UBXN4: variants seen among roughly 807,000 people sequenced by gnomAD.
UBXN4 encodes the protein UBX domain-containing protein 4.
A neutral mutation model predicts 66.2 loss-of-function variants in UBXN4; 35 were observed. The ratio of observed to expected loss-of-function variants is 0.53; its 90% CI spans 0.40 to 0.70. UBXN4 has a LOEUF of 0.70. UBXN4 is among the 30% of genes least tolerant of loss of function. UBXN4 has a pLI of 0.00. For missense variants in UBXN4, 533 were observed against 599.8 expected, an observed-to-expected ratio of 0.89 and a Z score of 1.16; for synonymous variants, 203 against 204.5, an observed-to-expected ratio of 0.99 and a Z score of 0.06.
chr2:135,753,592 T>G, intron 3 of UBXN4, 25 bp downstream of exon 3: 1 of 1,504,862 alleles, frequency 6.6e-7, no homozygotes, highest in Non-Finnish European at 8.8e-7. Context: ...AAGAATGGCT[T>G]ATATATATAC....
intron 1 of UBXN4, among the ~76,000 whole-genome samples, chr2:135,743,506 C>T (rs569160650): frequency 1.3e-5 from 2 of 152,278 alleles, no homozygotes; most frequent in South Asian, 4.1e-4. Context: ...AGATGAGGCA[C>T]TTAGGTCAGC....
rs886965691 is a variant in UBXN4, at chr2:135,755,625, C to A, written c.442C>A (p.Gln148Lys). ...ACCTAACAACACTTGTGAAAACTCT[C>A]AGTCCAGAAATGCAGAGCTTTGTGA... ...FEPNNTCENS[Q>K]SRNAELCEIP... is the part of the protein sequence containing the mutation. Residue 148 changes from glutamine to lysine, a missense_variant, in exon 5 of 13, where the codon CAG becomes AAG. By Grantham distance (53) the Gln-to-Lys change is moderately conservative. Transcript: ENST00000272638. 1.6e-5 allele frequency: 26 copies of A among 1,608,956 alleles called. No individual in the cohort carries two copies. The highest frequency in any genetic ancestry group is 2.1e-5 in the Non-Finnish European group (25 of 1,177,562).
chr2:135,757,356 A>G (rs1445681759), intron 5 of UBXN4, among the ~76,000 whole-genome samples: 2 of 152,118 alleles, frequency 1.3e-5, no homozygotes, highest in Non-Finnish European at 2.9e-5. Context: ...TTTCTCTCTT[A>G]TTATAACTTT....
At position 135,751,213 on chromosome 2, in the gene UBXN4, G is replaced by A. The variant is rs1036512560; in HGVS notation, c.186-2326G>A. 2.7e-5 allele frequency among the ~76,000 whole-genome samples: 4 copies of A among 149,076 alleles called. No individual in the cohort carries two copies. The Admixed American group carries it at 2.7e-4, about 10-fold the overall frequency. ...TATTTTTTATTTTTTTTGAGACGGAGTCTCGCTCTGTAGCCCAGGCTGGAG... is the reference window on the plus strand; with the variant it reads ...TATTTTTTATTTTTTTTGAGACGGAATCTCGCTCTGTAGCCCAGGCTGGAG... On this transcript the variant is annotated intron_variant, in intron 2 of 12. Transcript: ENST00000272638.
chr2:135,774,212 T>C (rs2077399199), intron 9 of UBXN4, among the ~76,000 whole-genome samples: 1 of 152,190 alleles, frequency 6.6e-6, no homozygotes, highest in Non-Finnish European at 1.5e-5. Flanking sequence ...CTTACATTTA[T>C]GAACTGTTTA....
intron 3 of UBXN4, 26 bp downstream of exon 3, chr2:135,753,593 A>T (rs2077260265): frequency 2.7e-6 from 4 of 1,491,978 alleles, no homozygotes; most frequent in Non-Finnish European, 1.8e-6. Flanking sequence ...AGAATGGCTT[A>T]TATATATACA....
chr2:135,770,745 A>C lies in UBXN4; in HGVS notation c.822+10A>C. The C allele has an allele frequency of 6.8e-7, 1 of 1,481,200 alleles. No individual in the cohort carries two copies. The highest frequency in any genetic ancestry group is 8.9e-7 in the Non-Finnish European group (1 of 1,119,236). 91.8% of individuals were successfully genotyped at this position (1,481,200 alleles called of 1,614,324 possible). A position where few individuals can be genotyped will look rare whatever the true frequency, so the allele number is the denominator to read the frequency against. On this transcript the variant is annotated intron_variant, in intron 8 of 12. Transcript: ENST00000272638. ...ACAGCAGATTGCATTGGTAAGTCTT[A>C]AGTTTCCAGACATTCGTGAAACTGT...
In UBXN4 at chr2:135,753,566, C is replaced by G; in HGVS notation, c.213C>G (p.Ile71Met). 1 of 1,532,912 alleles carries G rather than the reference C, an allele frequency of 6.5e-7. No individual in the cohort carries two copies. 95.0% of individuals were successfully genotyped at this position (1,532,912 alleles called of 1,614,324 possible). A position where few individuals can be genotyped will look rare whatever the true frequency, so the allele number is the denominator to read the frequency against. The change falls in exon 3 of 13, where the codon ATC becomes ATG. Residue 71 changes from isoleucine to methionine, a missense_variant and splice_region_variant. Ile to Met is a conservative substitution (Grantham distance 10). This residue lies in a region of UBXN4 where 529 missense variants were observed against 580.1 expected (regional missense o/e 0.91). Transcript: ENST00000272638. ...AAGCCTGCCTACAGTTTTCACAAAT[C>G]TGTATCCTTTCAGTAAAGAATGGCT... Reference protein sequence around the residue: ...KSEACLQFSQIYPVVCVPSSF... With the variant: ...KSEACLQFSQMYPVVCVPSSF...
At chr2:135,765,105 C>T (rs10173394) in intron 6 of UBXN4, among the ~76,000 whole-genome samples, 80,213 of 152,124 alleles carry the variant, frequency 0.53, 25,476 homozygotes, top group Non-Finnish European at 0.73. Flanking sequence ...TGAGCCACCA[C>T]GTCTGGCCAG....
chr2:135,768,943 C>G (rs1478299080), intron 6 of UBXN4, among the ~76,000 whole-genome samples: 1 of 151,958 alleles, frequency 6.6e-6, no homozygotes, highest in Non-Finnish European at 1.5e-5. Flanking sequence ...CTTAGGCTAT[C>G]CTCCTGCCTC....
intron 9 of UBXN4, among the ~76,000 whole-genome samples, chr2:135,774,181 T>C (rs1006455255): frequency 2.0e-5 from 3 of 152,222 alleles, no homozygotes; most frequent in Admixed American, 1.3e-4. Context: ...TGTAATAGAA[T>C]GGAGTCTCTA....
At chr2:135,758,556 TAC>T (rs1393845961) in intron 5 of UBXN4, among the ~76,000 whole-genome samples, 3 of 151,904 alleles carry the variant, frequency 2.0e-5, no homozygotes, top group Non-Finnish European at 4.4e-5. Flanking sequence ...ATTTCAAACA[TAC>T]ATAGAAGTAG....
Position 135,783,644 on chromosome 2 carries a change from G to A in UBXN4, c.*757G>A, listed in dbSNP as rs540907987. Reference sequence around the variant, plus strand: ...TGAGGCATCACTTTGTTTGCATAAAGTATACGGTTTGTTAAGGCCTTTGTT... The same window carrying A: ...TGAGGCATCACTTTGTTTGCATAAAATATACGGTTTGTTAAGGCCTTTGTT... On this transcript the variant is annotated 3_prime_UTR_variant, in exon 13 of 13. Transcript: ENST00000272638. The A allele has an allele frequency of 8.5e-5, 13 of 152,286 alleles. No individual in the cohort carries two copies. In the East Asian group the frequency reaches 2.1e-3, roughly 25 times the overall value. The allele number at this position is 152,286 out of a possible 1,614,324, so 9.4% of individuals were successfully genotyped here. A position where few individuals can be genotyped will look rare whatever the true frequency, so the allele number is the denominator to read the frequency against.
chr2:135,769,164 G>C (rs1163227108), intron 6 of UBXN4, among the ~76,000 whole-genome samples: 1 of 152,064 alleles, frequency 6.6e-6, no homozygotes, highest in African/African-American at 2.4e-5. Flanking sequence ...ACCATGCCTG[G>C]CTAATTTTTG....
chr2:135,767,893 A>T (rs72970289), intron 6 of UBXN4, among the ~76,000 whole-genome samples: 2 of 151,816 alleles, frequency 1.3e-5, no homozygotes, highest in Non-Finnish European at 2.9e-5. Flanking sequence ...TTTTTCTCTC[A>T]TGTGTTACTA....
intron 5 of UBXN4, among the ~76,000 whole-genome samples, chr2:135,758,923 T>C (rs2077295151): frequency 6.6e-6 from 1 of 152,110 alleles, no homozygotes; most frequent in African/African-American, 2.4e-5. Flanking sequence ...CATGCCCGGC[T>C]AATTTTTGTA....
chr2:135,758,262 C>T (rs1225050379), intron 5 of UBXN4, among the ~76,000 whole-genome samples: 36 of 151,820 alleles, frequency 2.4e-4, no homozygotes, highest in Non-Finnish European at 4.9e-4. Flanking sequence ...TTAGTAGGGA[C>T]GGGGTTTCTC....
intron 12 of UBXN4, among the ~76,000 whole-genome samples, chr2:135,781,843 T>C (rs1865453): frequency 0.97 from 147,832 of 152,290 alleles, 71,876 homozygotes; most frequent in Non-Finnish European, 1. Context: ...GAAGCTGAGG[T>C]GCAAGGATCA....
At chr2:135,747,499 T>C (rs1464279512) in intron 1 of UBXN4, among the ~76,000 whole-genome samples, 1 of 151,980 alleles carries the variant, frequency 6.6e-6, no homozygotes, top group East Asian at 1.9e-4. Flanking sequence ...ATACCTACAA[T>C]AAAAGGCAAG....
Sources: gnomAD v4.1 joint callset for allele counts (sites outside exome capture counted in the v4.1 genomes callset) on GRCh38, gnomAD v4.1.1 for gene constraint, gnomAD v4.1.1 regional missense constraint, MANE v1.5 for transcripts, NCBI Gene and HGNC (gene_info 2026-07-23, HGNC 2026-07-21) for gene names.